The following SYT1 variants were observed in gnomAD, a reference collection of about 807,000 sequenced individuals.
SYT1 encodes synaptotagmin 1, also known as synaptotagmin-1.
In SYT1, 8 loss-of-function variants were observed where a neutral mutation model predicts 44.8. The ratio of observed to expected loss-of-function variants is 0.18; its 90% CI spans 0.10 to 0.32. SYT1 has a LOEUF of 0.32. Ranked by LOEUF, SYT1 falls within the 10% of genes least tolerant of loss-of-function variation. The pLI, the probability that SYT1 is intolerant of heterozygous loss-of-function variation, is 1.00. For synonymous variants in SYT1, 154 were observed against 188.8 expected (o/e 0.82, Z 1.51); for missense variants, 286 against 509.3 (o/e 0.56, Z 4.22).
At chr12:79,127,958 A>G (rs1380063937) in intron 3 of SYT1, among the ~76,000 whole-genome samples, 1 of 152,186 alleles carries the variant, frequency 6.6e-6, no homozygotes, top group Non-Finnish European at 1.5e-5. Context: ...AGGTAAATAA[A>G]TGCATGATGG....
chr12:79,227,052 T>C (rs1286074573), intron 4 of SYT1, among the ~76,000 whole-genome samples: 14 of 152,184 alleles, frequency 9.2e-5, no homozygotes, highest in Admixed American at 8.5e-4. Flanking sequence ...GCAAAATTGA[T>C]AGCAAACAGC....
chr12:79,264,105 C>G (rs1365128380), intron 4 of SYT1, among the ~76,000 whole-genome samples: 1 of 151,764 alleles, frequency 6.6e-6, no homozygotes, highest in Non-Finnish European at 1.5e-5. Context: ...TTTGGGCAGT[C>G]ATATTATTTT....
At chr12:79,369,363 T>C (rs1883689870) in intron 9 of SYT1, among the ~76,000 whole-genome samples, 1 of 151,970 alleles carries the variant, frequency 6.6e-6, no homozygotes, top group Non-Finnish European at 1.5e-5. Context: ...GTAGTCCTAA[T>C]TACATGGGAA....
chr12:79,031,971 T>C (rs181543805), intron 2 of SYT1, among the ~76,000 whole-genome samples: 10 of 151,252 alleles, frequency 6.6e-5, no homozygotes, highest in African/African-American at 2.4e-4. Context: ...TGGGAGATAA[T>C]TGAAAATTAT....
intron 1 of SYT1, among the ~76,000 whole-genome samples, chr12:78,899,158 A>C (rs1875521601): frequency 6.6e-6 from 1 of 152,070 alleles, no homozygotes; most frequent in Non-Finnish European, 1.5e-5. Context: ...GTTTAAAATA[A>C]AATCTGAGAT....
chr12:79,030,431 A>T (rs571094147), intron 2 of SYT1, among the ~76,000 whole-genome samples: 24 of 151,144 alleles, frequency 1.6e-4, no homozygotes, highest in Middle Eastern at 3.4e-3. Flanking sequence ...TAACTGAAAC[A>T]CTTTTCTCTA....
intron 1 of SYT1, among the ~76,000 whole-genome samples, chr12:78,938,932 C>T (rs1878209383): frequency 6.6e-6 from 1 of 152,090 alleles, no homozygotes; most frequent in African/African-American, 2.4e-5. Context: ...GATAGTATTT[C>T]AACTAATGCT....
At chr12:79,288,361 C>A (rs1879412262) in intron 5 of SYT1, among the ~76,000 whole-genome samples, 1 of 151,888 alleles carries the variant, frequency 6.6e-6, no homozygotes. Flanking sequence ...TGGCTTATGC[C>A]CTTCTCGTTT....
chr12:79,300,803 A>ATG (rs1432808468), intron 8 of SYT1, among the ~76,000 whole-genome samples: 13 of 138,326 alleles, frequency 9.4e-5, no homozygotes, highest in Admixed American at 7.2e-5. Flanking sequence ...ATATATATAT[A>ATG]TATATATATA....
intron 9 of SYT1, among the ~76,000 whole-genome samples, chr12:79,434,553 T>A (rs1394103144): frequency 6.6e-6 from 1 of 152,232 alleles, no homozygotes; most frequent in Non-Finnish European, 1.5e-5. Context: ...ATTAAATGAT[T>A]GGCTTACTGA....
At chr12:79,008,837 G>A (rs17206242) in intron 2 of SYT1, among the ~76,000 whole-genome samples, 20,780 of 152,036 alleles carry the variant, frequency 0.14, 1,858 homozygotes, top group South Asian at 0.25. Flanking sequence ...TCTCCACACC[G>A]TGTCTAGCAT....
At chr12:79,140,398 C>A (rs1869481467) in intron 3 of SYT1, among the ~76,000 whole-genome samples, 1 of 152,114 alleles carries the variant, frequency 6.6e-6, no homozygotes, top group South Asian at 2.1e-4. Context: ...CAGAACACTC[C>A]TTGATACAGA....
At chr12:79,293,401 AAAATAAAATT>A (rs1199785485) in intron 6 of SYT1, among the ~76,000 whole-genome samples, 674 of 59,152 alleles carry the variant, frequency 0.011, 45 homozygotes, top group East Asian at 0.084. Context: ...AAAATAAAAT[AAAATAAAATT>A]AAAAAATCTG....
At chr12:79,152,303 G>T (rs964166725) in intron 3 of SYT1, among the ~76,000 whole-genome samples, 1 of 152,092 alleles carries the variant, frequency 6.6e-6, no homozygotes, top group Admixed American at 6.6e-5. Context: ...GGGAGATGCA[G>T]GACTCTGAAT....
At chr12:79,370,813 T>C (rs1402912832) in intron 9 of SYT1, among the ~76,000 whole-genome samples, 1 of 151,802 alleles carries the variant, frequency 6.6e-6, no homozygotes, top group East Asian at 1.9e-4. Flanking sequence ...AAATACTGAG[T>C]TAGGGATGGT....
At chr12:78,896,082 T>C (rs972787493) in intron 1 of SYT1, among the ~76,000 whole-genome samples, 5 of 151,822 alleles carry the variant, frequency 3.3e-5, no homozygotes, top group African/African-American at 1.2e-4. Context: ...CAGAGCTATG[T>C]AAATAAATTA....
intron 8 of SYT1, among the ~76,000 whole-genome samples, chr12:79,305,943 C>T (rs1320388118): frequency 6.6e-6 from 1 of 152,172 alleles, no homozygotes; most frequent in African/African-American, 2.4e-5. Flanking sequence ...GTGACCCACC[C>T]ACCTCGGCCT....
At chr12:79,149,634 T>C (rs17005301) in intron 3 of SYT1, among the ~76,000 whole-genome samples, 13,345 of 152,136 alleles carry the variant, frequency 0.088, 699 homozygotes, top group African/African-American at 0.15. Flanking sequence ...ATGGAAAAGA[T>C]TGATAAGTGA....
chr12:79,268,519 G>A (rs1878250581), intron 4 of SYT1, among the ~76,000 whole-genome samples: 3 of 152,170 alleles, frequency 2.0e-5, no homozygotes, highest in Non-Finnish European at 2.9e-5. Context: ...GAATGAATGA[G>A]TGAATGAATG....
Sources: gnomAD v4.1 joint callset for allele counts (sites outside exome capture counted in the v4.1 genomes callset) on GRCh38, gnomAD v4.1.1 for gene constraint, MANE v1.5 for transcripts, NCBI Gene and HGNC (gene_info 2026-07-23, HGNC 2026-07-21) for gene names.